Variants in CCSER1 observed in about 807,000 individuals in gnomAD.
CCSER1 encodes coiled-coil serine rich protein 1.
Under a neutral mutation model 82.0 loss-of-function variants are expected in CCSER1, and 41 were observed. The ratio of observed to expected loss-of-function variants is 0.50; its 90% CI spans 0.39 to 0.65. The LOEUF (loss-of-function observed/expected upper bound fraction) is 0.65. Among genes scored for constraint, CCSER1 ranks in the 30% least tolerant of loss-of-function variants. The pLI, the probability that CCSER1 is intolerant of heterozygous loss-of-function variation, is 0.00. For missense variants in CCSER1, 1,119 were observed against 1,064.2 expected (o/e 1.05, Z -0.72); for synonymous variants, 414 against 383.9 (o/e 1.08, Z -0.92).
In CCSER1 at chr4:90,297,730, T is replaced by C. The variant is rs201468887; in HGVS notation, c.-41-10514T>C. Among the ~76,000 whole-genome samples the C allele has an allele frequency of 0.02, 2,968 of 152,164 alleles. 185 individuals are homozygous for C. In the East Asian group the frequency reaches 0.23, roughly 12 times the overall value. On this transcript the variant is annotated intron_variant, in intron 1 of 10. Transcript: ENST00000509176. ...GGTTGTTGAATTTTGTCAAAGGCCT[T>C]TTCTGCATCTATTGAGAAAATCATG...
At chr4:90,454,478 A>G (rs1332985659) in intron 4 of CCSER1, among the ~76,000 whole-genome samples, 3 of 152,096 alleles carry the variant, frequency 2.0e-5, no homozygotes, top group Non-Finnish European at 4.4e-5. Context: ...TGGGTTTCTC[A>G]TTGAATCCCT....
chr4:91,392,245 T>TCTTTGCAC (rs1751697111), intron 10 of CCSER1, among the ~76,000 whole-genome samples: 1 of 152,072 alleles, frequency 6.6e-6, no homozygotes, highest in Non-Finnish European at 1.5e-5. Context: ...AGGATATTTC[T>TCTTTGCAC]CTTTGCACAT....
chr4:90,791,877 T>A (rs1755307721), intron 7 of CCSER1, among the ~76,000 whole-genome samples: 1 of 151,226 alleles, frequency 6.6e-6, no homozygotes, highest in Non-Finnish European at 1.5e-5. Context: ...TATTGAACAC[T>A]TAATAGGCTA....
At chr4:91,380,201 T>A (rs754674563) in intron 10 of CCSER1, among the ~76,000 whole-genome samples, 1 of 152,208 alleles carries the variant, frequency 6.6e-6, no homozygotes, top group Non-Finnish European at 1.5e-5. Flanking sequence ...TGCGATGTGG[T>A]GCTGAGAATA....
chr4:90,953,374 C>A (rs995024943), intron 9 of CCSER1, among the ~76,000 whole-genome samples: 1 of 150,942 alleles, frequency 6.6e-6, no homozygotes, highest in African/African-American at 2.4e-5. Flanking sequence ...ATAAATTTAG[C>A]AAAATAAAAA....
intron 5 of CCSER1, among the ~76,000 whole-genome samples, chr4:90,563,320 C>G (rs1223578926): frequency 6.6e-6 from 1 of 152,072 alleles, no homozygotes; most frequent in African/African-American, 2.4e-5. Context: ...CCATGTTAGC[C>G]AGGATGGTCT....
At chr4:90,157,877 C>G (rs1037649514) in intron 1 of CCSER1, among the ~76,000 whole-genome samples, 31 of 152,322 alleles carry the variant, frequency 2.0e-4, no homozygotes, top group African/African-American at 5.3e-4. Flanking sequence ...CTCAACTCGT[C>G]AAAGTCATTC....
Position 90,902,008 on chromosome 4 carries a change from G to C in CCSER1, c.2095-21362G>C, listed in dbSNP as rs1160986815. Among the ~76,000 whole-genome samples, 3 of 151,158 alleles carry C rather than the reference G, an allele frequency of 2.0e-5. 1 individual carries two copies. The highest frequency in any genetic ancestry group is 7.3e-5 in the African/African-American group (3 of 41,164). On this transcript the variant is annotated intron_variant, in intron 8 of 10. Coordinates refer to ENST00000509176, the MANE Select transcript of CCSER1 (RefSeq NM_001145065.2). ...TTAAAGTTCTTTTGGCTTTATTTTT[G>C]TCTGAGTTAATTCAAAAACTGGCTT...
At chr4:90,373,427 C>A (rs1198254541) in intron 3 of CCSER1, among the ~76,000 whole-genome samples, 1 of 151,988 alleles carries the variant, frequency 6.6e-6, no homozygotes, top group Non-Finnish European at 1.5e-5. Context: ...ACTTGCCAAA[C>A]TTAATATGGT....
chr4:90,536,394 A>G lies in CCSER1; in HGVS notation c.1724+68040A>G, dbSNP rs1182627837. Among the ~76,000 whole-genome samples, 8 of 152,182 alleles carry G rather than the reference A, an allele frequency of 5.3e-5. No homozygotes were observed. The East Asian group carries it at 1.5e-3, about 29-fold the overall frequency. ...CCCTTTAGTGAGAGTTGCGATAATT[A>G]GCCTATTTGCAAGATAGCAGGGAGG... On this transcript the variant is annotated intron_variant, in intron 5 of 10. Transcript: ENST00000509176.
intron 4 of CCSER1, among the ~76,000 whole-genome samples, chr4:90,422,939 G>A (rs1045657858): frequency 5.9e-5 from 9 of 152,102 alleles, no homozygotes; most frequent in South Asian, 2.1e-4. Context: ...TCAGCTTATC[G>A]TTGTAAATTC....
In CCSER1 at chr4:90,620,414, A is replaced by C. The variant is rs182281471; in HGVS notation, c.1725-7611A>C. ...GAGATATTATACATGATGGACTATT[A>C]TTCTTTTTCTATACTAAATTTGATT... On this transcript the variant is annotated intron_variant, in intron 5 of 10. Transcript: ENST00000509176. Among the ~76,000 whole-genome samples, 550 of 152,268 alleles carry C rather than the reference A, an allele frequency of 3.6e-3. 4 individuals are homozygous for C. The highest frequency in any genetic ancestry group is 8.8e-3 in the Admixed American group (134 of 15,294).
intron 5 of CCSER1, among the ~76,000 whole-genome samples, chr4:90,549,493 AAT>A (rs1579100330): frequency 6.6e-6 from 1 of 152,182 alleles, no homozygotes; most frequent in African/African-American, 2.4e-5. Context: ...GCACTGTTTA[AAT>A]ATGAGTCAGG....
At chr4:90,992,670 G>C (rs935127083) in intron 9 of CCSER1, among the ~76,000 whole-genome samples, 2 of 151,926 alleles carry the variant, frequency 1.3e-5, no homozygotes, top group African/African-American at 4.8e-5. Context: ...TCAATTCTTT[G>C]TGGTTGTAGG....
At chr4:90,249,519 A>G (rs1722013151) in intron 1 of CCSER1, among the ~76,000 whole-genome samples, 1 of 152,142 alleles carries the variant, frequency 6.6e-6, no homozygotes, top group South Asian at 2.1e-4. Context: ...CCCAGCCCTG[A>G]GCAACTACTA....
At chr4:90,480,866 T>C (rs1765836636) in intron 5 of CCSER1, among the ~76,000 whole-genome samples, 1 of 152,202 alleles carries the variant, frequency 6.6e-6, no homozygotes, top group South Asian at 2.1e-4. Context: ...TGCGGGCTCT[T>C]TTTTGGTTCC....
intron 1 of CCSER1, among the ~76,000 whole-genome samples, chr4:90,182,775 T>C (rs553461789): frequency 2.1e-4 from 32 of 152,228 alleles, no homozygotes; most frequent in African/African-American, 7.2e-4. Flanking sequence ...TGATGAAATG[T>C]ACACCTAACT....
chr4:90,170,013 C>T lies in CCSER1; in HGVS notation c.-42+42182C>T, dbSNP rs547523255. On this transcript the variant is annotated intron_variant, in intron 1 of 10. Coordinates refer to ENST00000509176, the MANE Select transcript of CCSER1 (RefSeq NM_001145065.2). Reference sequence around the variant, plus strand: ...CTTATGTCACCTAGATAGATAATTCCTCTAGCCTCCACTCTGGTTCAGATC... The same window carrying T: ...CTTATGTCACCTAGATAGATAATTCTTCTAGCCTCCACTCTGGTTCAGATC... Among the ~76,000 whole-genome samples, 10 of 151,866 alleles carry T rather than the reference C, an allele frequency of 6.6e-5. No homozygotes were observed. The South Asian group carries it at 2.1e-3, about 32-fold the overall frequency.
chr4:91,263,321 G>T (rs1237981458), intron 10 of CCSER1, among the ~76,000 whole-genome samples: 5 of 151,918 alleles, frequency 3.3e-5, no homozygotes, highest in Non-Finnish European at 1.5e-5. Flanking sequence ...TTCTGAAGAG[G>T]TTAATTTTAA....
Sources: gnomAD v4.1 joint callset for allele counts (sites outside exome capture counted in the v4.1 genomes callset) on GRCh38, gnomAD v4.1.1 for gene constraint, MANE v1.5 for transcripts, NCBI Gene and HGNC (gene_info 2026-07-23, HGNC 2026-07-21) for gene names.